CEP128: variants seen among roughly 807,000 people sequenced by gnomAD.
CEP128 encodes centrosomal protein 128, also known as centrosomal protein 128kDa.
In CEP128, 132 loss-of-function variants were observed where a neutral mutation model predicts 156.7. The observed-to-expected ratio is 0.84, with a 90% confidence interval of 0.73 to 0.97. The LOEUF is 0.97. Ranked by LOEUF, CEP128 falls within the 50% of genes least tolerant of loss-of-function variation. The pLI is 0.00. For missense variants in CEP128, 1,252 were observed against 1,281.9 expected, an observed-to-expected ratio of 0.98 and a Z score of 0.36; for synonymous variants, 469 against 448.9, an observed-to-expected ratio of 1.04 and a Z score of -0.57.
intron 21 of CEP128, among the ~76,000 whole-genome samples, chr14:80,538,268 G>C (rs570730421): frequency 6.6e-6 from 1 of 152,146 alleles, no homozygotes; most frequent in South Asian, 2.1e-4. Context: ...AGAGCACAAA[G>C]CAGAAAAAAG....
chr14:80,756,342 T>A (rs1899656814), intron 18 of CEP128, among the ~76,000 whole-genome samples: 1 of 152,180 alleles, frequency 6.6e-6, no homozygotes, highest in Non-Finnish European at 1.5e-5. Context: ...CTCTAATGCA[T>A]AGTTGGCCTT....
intron 19 of CEP128, among the ~76,000 whole-genome samples, chr14:80,626,860 G>A (rs924891320): frequency 1.3e-5 from 2 of 152,156 alleles, no homozygotes; most frequent in African/African-American, 2.4e-5. Flanking sequence ...AACCCAGGAG[G>A]CAGAGGTTGC....
intron 23 of CEP128, among the ~76,000 whole-genome samples, chr14:80,519,358 T>C (rs1888632445): frequency 6.6e-6 from 1 of 152,230 alleles, no homozygotes; most frequent in Non-Finnish European, 1.5e-5. Flanking sequence ...TGATGAATAT[T>C]TAATGATACC....
intron 23 of CEP128, 26 bp from the exon 24 acceptor site, chr14:80,505,046 C>A (rs372474618): frequency 5.9e-5 from 72 of 1,224,118 alleles, no homozygotes; most frequent in Non-Finnish European, 7.7e-5. Flanking sequence ...CACAGCATTT[C>A]AATGATTACA....
chr14:80,732,179 A>T (rs1357259290), intron 19 of CEP128, among the ~76,000 whole-genome samples: 1 of 152,198 alleles, frequency 6.6e-6, no homozygotes, highest in Non-Finnish European at 1.5e-5. Flanking sequence ...GTATTAAATA[A>T]TATATATGCA....
intron 21 of CEP128, among the ~76,000 whole-genome samples, chr14:80,542,764 T>C (rs1276168013): frequency 6.6e-6 from 1 of 152,110 alleles, no homozygotes; most frequent in Non-Finnish European, 1.5e-5. Context: ...CACCCTCAAG[T>C]AGGTAATCAC....
chr14:80,494,082 T>G (rs1261176625), downstream of CEP128, among the ~76,000 whole-genome samples: 1 of 152,192 alleles, frequency 6.6e-6, no homozygotes, highest in East Asian at 1.9e-4. Context: ...ATTTCTTTTG[T>G]CAAATAGGGA....
downstream of CEP128, among the ~76,000 whole-genome samples, chr14:80,493,150 T>C (rs541020122): frequency 3.9e-5 from 6 of 152,304 alleles, 1 homozygote; most frequent in South Asian, 1.2e-3. Context: ...TGTGGGGTCC[T>C]ATGGGGCTAC....
At chr14:80,568,420 C>T (rs1251519065) in intron 20 of CEP128, among the ~76,000 whole-genome samples, 1 of 152,094 alleles carries the variant, frequency 6.6e-6, no homozygotes, top group African/African-American at 2.4e-5. Context: ...TCCAGTAATC[C>T]ACATCATAAT....
chr14:80,947,517 T>G (rs1012710623), intron 2 of CEP128, among the ~76,000 whole-genome samples: 3 of 152,094 alleles, frequency 2.0e-5, no homozygotes, highest in Non-Finnish European at 2.9e-5. Flanking sequence ...TATTAAGATG[T>G]CAAAATGGCA....
chr14:80,819,217 A>G (rs1210483708), intron 13 of CEP128, among the ~76,000 whole-genome samples: 2 of 150,872 alleles, frequency 1.3e-5, no homozygotes, highest in Non-Finnish European at 2.9e-5. Flanking sequence ...GAAAAGCAGC[A>G]AGCCAGCTCT....
chr14:80,486,532 C>T (rs9323686), downstream of CEP128, among the ~76,000 whole-genome samples: 72,055 of 151,362 alleles, frequency 0.48, 18,382 homozygotes, highest in East Asian at 0.69. Flanking sequence ...CCCAAAGATA[C>T]TTCTCGAGAA....
chr14:80,859,039 A>C (rs1241579332), intron 9 of CEP128, among the ~76,000 whole-genome samples: 1 of 151,754 alleles, frequency 6.6e-6, no homozygotes, highest in Non-Finnish European at 1.5e-5. Context: ...CAGCCATCCC[A>C]TTACTGGGTA....
intron 19 of CEP128, among the ~76,000 whole-genome samples, chr14:80,610,162 CT>C (rs1315226884): frequency 6.6e-6 from 1 of 152,074 alleles, no homozygotes; most frequent in Non-Finnish European, 1.5e-5. Context: ...TACTTTATCT[CT>C]TTTTTTCCAA....
chr14:80,569,759 T>C (rs1320498339), intron 20 of CEP128, among the ~76,000 whole-genome samples: 1 of 152,204 alleles, frequency 6.6e-6, no homozygotes, highest in Non-Finnish European at 1.5e-5. Flanking sequence ...GAAAGTGGTC[T>C]TTACATGTTT....
At chr14:80,691,754 C>A (rs545283730) in intron 19 of CEP128, among the ~76,000 whole-genome samples, 1 of 152,080 alleles carries the variant, frequency 6.6e-6, no homozygotes, top group African/African-American at 2.4e-5. Flanking sequence ...ACCTAAGTTA[C>A]AAGAAGCTTA....
chr14:80,782,376 G>A (rs763305698), intron 15 of CEP128, among the ~76,000 whole-genome samples: 7 of 152,224 alleles, frequency 4.6e-5, no homozygotes, highest in Non-Finnish European at 1.0e-4. Context: ...AGCAACCTCT[G>A]ACGGCAGATT....
chr14:80,822,386 C>T, intron 13 of CEP128: 1 of 390,828 alleles, frequency 2.6e-6, no homozygotes, highest in South Asian at 2.1e-5. Context: ...CCATGCAAGT[C>T]CAAAATCCAA....
intron 19 of CEP128, among the ~76,000 whole-genome samples, chr14:80,684,682 C>T (rs1206585611): frequency 6.7e-6 from 1 of 148,892 alleles, no homozygotes; most frequent in African/African-American, 2.5e-5. Context: ...CTGAGAAACA[C>T]ACAGGCAAAA....
Sources: gnomAD v4.1 joint callset for allele counts (sites outside exome capture counted in the v4.1 genomes callset) on GRCh38, gnomAD v4.1.1 for gene constraint, MANE v1.5 for transcripts, NCBI Gene and HGNC (gene_info 2026-07-23, HGNC 2026-07-21) for gene names.